The following KCNN2 variants were observed in gnomAD, a reference collection of about 807,000 sequenced individuals.
The protein encoded by KCNN2 is small conductance calcium-activated potassium channel protein 2.
In KCNN2, 24 loss-of-function variants were observed where a neutral mutation model predicts 55.5. The ratio of observed to expected loss-of-function variants is 0.43; its 90% CI spans 0.31 to 0.61. The LOEUF is 0.61. Among genes scored for constraint, KCNN2 ranks in the 20% least tolerant of loss-of-function variants. The pLI, the probability that KCNN2 is intolerant of heterozygous loss-of-function variation, is 0.08. For synonymous variants in KCNN2, 431 were observed against 336.1 expected (o/e 1.28, Z -3.09); for missense variants, 754 against 853.6 (o/e 0.88, Z 1.45).
intron 2 of KCNN2, among the ~76,000 whole-genome samples, chr5:114,356,711 T>G (rs979724695): frequency 4.6e-5 from 7 of 152,130 alleles, no homozygotes; most frequent in Admixed American, 3.3e-4. Context: ...ATATGCTCAT[T>G]CATGTCTTGA....
chr5:114,465,116 C>CTTAT (rs1050124788), intron 4 of KCNN2, among the ~76,000 whole-genome samples: 4 of 152,172 alleles, frequency 2.6e-5, no homozygotes, highest in African/African-American at 7.2e-5. Context: ...TGTGCACAGG[C>CTTAT]TTATTTGCCA....
At chr5:114,070,030 C>A (rs1187068113) in intron 1 of KCNN2, among the ~76,000 whole-genome samples, 3 of 152,182 alleles carry the variant, frequency 2.0e-5, no homozygotes. Flanking sequence ...CATTTTACAT[C>A]GCATCCAGAT....
At chr5:114,230,279 C>CTT (rs1754331387) in intron 2 of KCNN2, among the ~76,000 whole-genome samples, 1 of 47,920 alleles carries the variant, frequency 2.1e-5, no homozygotes, top group African/African-American at 6.8e-5. Context: ...TTTTTTTTTT[C>CTT]TTTCTTTCTT....
chr5:114,238,953 C>T (rs895411429), intron 2 of KCNN2, among the ~76,000 whole-genome samples: 2 of 152,094 alleles, frequency 1.3e-5, no homozygotes, highest in African/African-American at 4.8e-5. Flanking sequence ...CATCTAGTTA[C>T]TGTTCTACAT....
chr5:114,322,455 G>T (rs1216215877), intron 2 of KCNN2, among the ~76,000 whole-genome samples: 1 of 152,102 alleles, frequency 6.6e-6, no homozygotes. Flanking sequence ...TTTATTTTAT[G>T]TGAAAACACT....
intron 4 of KCNN2, among the ~76,000 whole-genome samples, chr5:114,465,488 T>C (rs1287736552): frequency 6.6e-6 from 1 of 152,084 alleles, no homozygotes; most frequent in African/African-American, 2.4e-5. Flanking sequence ...GGCACATGCC[T>C]ATAATCCCAG....
chr5:114,367,152 A>G (rs1269436696), intron 2 of KCNN2, among the ~76,000 whole-genome samples: 1 of 152,192 alleles, frequency 6.6e-6, no homozygotes, highest in African/African-American at 2.4e-5. Context: ...CTCTGGCAAA[A>G]CAAGATGGTT....
chr5:114,476,261 A>C (rs570801948), intron 5 of KCNN2, among the ~76,000 whole-genome samples: 2 of 147,578 alleles, frequency 1.4e-5, no homozygotes, highest in East Asian at 4.1e-4. Flanking sequence ...CTGGATTAAG[A>C]AAATGTGGCA....
intron 6 of KCNN2, chr5:114,489,035 T>C (rs1488408975): frequency 6.6e-6 from 1 of 152,118 alleles, no homozygotes; most frequent in Non-Finnish European, 1.5e-5. Context: ...GTCAGACCTA[T>C]CAAATGGGTA....
At chr5:114,484,983 A>C (rs920366602) in intron 5 of KCNN2, among the ~76,000 whole-genome samples, 2 of 152,216 alleles carry the variant, frequency 1.3e-5, no homozygotes, top group African/African-American at 4.8e-5. Context: ...TCTGAGATTA[A>C]GATTCTGTAT....
intron 3 of KCNN2, among the ~76,000 whole-genome samples, chr5:114,420,927 A>G (rs185831633): frequency 2.6e-4 from 39 of 152,348 alleles, no homozygotes; most frequent in Admixed American, 1.2e-3. Context: ...GGTAAAAATA[A>G]TATTCCCCTT....
chr5:114,060,291 G>T (rs1331029411), intron 1 of KCNN2, among the ~76,000 whole-genome samples: 1 of 152,216 alleles, frequency 6.6e-6, no homozygotes, highest in African/African-American at 2.4e-5. Flanking sequence ...TGCCCTTGGG[G>T]ACATTTATTT....
chr5:114,298,217 A>T (rs532998134), intron 2 of KCNN2, among the ~76,000 whole-genome samples: 1 of 152,214 alleles, frequency 6.6e-6, no homozygotes, highest in African/African-American at 2.4e-5. Context: ...TAGACAAAAG[A>T]TGCCACTTAC....
chr5:114,413,936 T>A (rs1486621188), intron 3 of KCNN2, among the ~76,000 whole-genome samples: 3 of 152,190 alleles, frequency 2.0e-5, no homozygotes, highest in African/African-American at 7.2e-5. Flanking sequence ...CTCATGTAAT[T>A]CAGCTTCAGA....
chr5:114,288,806 G>C (rs1465514483), intron 2 of KCNN2, among the ~76,000 whole-genome samples: 1 of 152,062 alleles, frequency 6.6e-6, no homozygotes, highest in African/African-American at 2.4e-5. Context: ...CACGCATCCT[G>C]TAGGTTGTCT....
intron 2 of KCNN2, among the ~76,000 whole-genome samples, chr5:114,264,450 A>G (rs1320237474): frequency 6.6e-6 from 1 of 152,162 alleles, no homozygotes; most frequent in Non-Finnish European, 1.5e-5. Context: ...TTAAAAATAT[A>G]CAATGCTTTT....
chr5:114,205,558 A>G (rs1191379258), intron 1 of KCNN2, among the ~76,000 whole-genome samples: 1 of 152,202 alleles, frequency 6.6e-6, no homozygotes, highest in Non-Finnish European at 1.5e-5. Context: ...GGTATAGAAG[A>G]GCAAAACAAT....
rs986432141 is a variant in KCNN2 at position 114,164,810 on chromosome 5, A to T, written c.-270-56670A>T. 8.5e-5 allele frequency among the ~76,000 whole-genome samples: 13 copies of T among 152,346 alleles called. No individual in the cohort carries two copies. The East Asian group carries it at 2.3e-3, about 27-fold the overall frequency. On this transcript the variant is annotated intron_variant, in intron 1 of 10. Coordinates refer to the KCNN2 transcript ENST00000512097. ...AGCTAATTCATAATTGTAATTAAAT[A>T]AATCATCTGATGAAGGCTTTTTATA...
intron 2 of KCNN2, among the ~76,000 whole-genome samples, chr5:114,369,986 G>A (rs60280422): frequency 0.043 from 6,578 of 152,168 alleles, 493 homozygotes; most frequent in African/African-American, 0.15. Flanking sequence ...GTTATATTCA[G>A]TTAGGATAGG....
Sources: allele counts gnomAD v4.1 joint callset (sites outside exome capture counted in the v4.1 genomes callset), GRCh38; gene constraint gnomAD v4.1.1; transcripts MANE v1.5; gene names NCBI Gene and HGNC (gene_info 2026-07-23, HGNC 2026-07-21).